SSBP2: variants seen among roughly 807,000 people sequenced by gnomAD.
SSBP2 encodes single-stranded DNA-binding protein 2.
In SSBP2, 17 loss-of-function variants were observed where a neutral mutation model predicts 61.8. That is an observed-to-expected ratio of 0.28 (90% CI 0.19 to 0.41). The LOEUF (loss-of-function observed/expected upper bound fraction) is 0.41. SSBP2 is among the 10% of genes least tolerant of loss of function. The pLI is 1.00. For missense variants in SSBP2, 310 were observed against 458.7 expected (o/e 0.68, Z 2.96); for synonymous variants, 139 against 141.3 (o/e 0.98, Z 0.12).
intron 3 of SSBP2, among the ~76,000 whole-genome samples, chr5:81,625,419 T>C (rs561430559): frequency 6.6e-6 from 1 of 151,460 alleles, no homozygotes; most frequent in South Asian, 2.1e-4. Flanking sequence ...CTACAACTAT[T>C]AAACATGAAA....
At chr5:81,661,376 T>C (rs552354277) in intron 1 of SSBP2, among the ~76,000 whole-genome samples, 40 of 152,308 alleles carry the variant, frequency 2.6e-4, no homozygotes, top group South Asian at 1.0e-3. Flanking sequence ...CAGAGTGGGA[T>C]TGCGAGATCA....
chr5:81,645,964 T>C (rs1271066198), intron 2 of SSBP2, among the ~76,000 whole-genome samples: 1 of 152,192 alleles, frequency 6.6e-6, no homozygotes, highest in Non-Finnish European at 1.5e-5. Context: ...AAAAAATGAC[T>C]GGGTTAATAA....
At chr5:81,598,941 A>G (rs1032143434) in intron 4 of SSBP2, among the ~76,000 whole-genome samples, 2 of 152,152 alleles carry the variant, frequency 1.3e-5, no homozygotes, top group African/African-American at 4.8e-5. Context: ...AAAAAAACTA[A>G]TTCCTCTCCT....
At chr5:81,526,298 T>C (rs1356877100) in intron 4 of SSBP2, among the ~76,000 whole-genome samples, 1 of 152,050 alleles carries the variant, frequency 6.6e-6, no homozygotes, top group Non-Finnish European at 1.5e-5. Flanking sequence ...AAAAACTTCT[T>C]AAATTTTATC....
At chr5:81,624,679 G>A (rs896182316) in intron 3 of SSBP2, among the ~76,000 whole-genome samples, 1 of 152,082 alleles carries the variant, frequency 6.6e-6, no homozygotes, top group Non-Finnish European at 1.5e-5. Context: ...AAAGGCTGTA[G>A]TAAGACCAAA....
chr5:81,497,987 C>A (rs1767418236), intron 5 of SSBP2, among the ~76,000 whole-genome samples: 1 of 151,962 alleles, frequency 6.6e-6, no homozygotes, highest in Admixed American at 6.6e-5. Flanking sequence ...TAGCAGTTTG[C>A]CTCTCAGGTG....
intron 4 of SSBP2, among the ~76,000 whole-genome samples, chr5:81,593,171 G>C (rs1743277554): frequency 6.6e-6 from 1 of 152,108 alleles, no homozygotes; most frequent in Non-Finnish European, 1.5e-5. Flanking sequence ...TGAAAACCAA[G>C]GCACGAGAGC....
intron 1 of SSBP2, among the ~76,000 whole-genome samples, chr5:81,653,998 GTT>G (rs144058292): frequency 6.8e-6 from 1 of 146,338 alleles, no homozygotes; most frequent in Non-Finnish European, 1.5e-5. Context: ...TTTTTGTTTT[GTT>G]TTTTTTTTTG....
intron 1 of SSBP2, among the ~76,000 whole-genome samples, chr5:81,684,993 T>A (rs986858593): frequency 7.9e-5 from 12 of 152,094 alleles, no homozygotes; most frequent in African/African-American, 2.9e-4. Flanking sequence ...AGTGATTGGA[T>A]CATGGGGCTG....
intron 15 of SSBP2, among the ~76,000 whole-genome samples, chr5:81,436,921 C>G (rs1378662550): frequency 6.6e-6 from 1 of 152,078 alleles, no homozygotes; most frequent in Admixed American, 6.5e-5. Context: ...TATAATTTTC[C>G]TCTAATCACT....
chr5:81,630,868 A>G (rs1202339331), intron 3 of SSBP2, among the ~76,000 whole-genome samples: 1 of 152,128 alleles, frequency 6.6e-6, no homozygotes, highest in Non-Finnish European at 1.5e-5. Flanking sequence ...CATGTAAAAG[A>G]GAAAGAGGTG....
rs5869085 is a variant in SSBP2, at chr5:81,737,294, TAAAA to T, written c.62+13683_62+13686del. On this transcript the variant is annotated intron_variant, in intron 1 of 16. Transcript: ENST00000320672. ...CCCCTCCTTGCAAAATTCTCCAAGTTAAAAAAAAAAAAAAAAAAAAGTATGTCCC... is the reference window on the plus strand; with the variant it reads ...CCCCTCCTTGCAAAATTCTCCAAGTTAAAAAAAAAAAAAAAAGTATGTCCC... Among the ~76,000 whole-genome samples the T allele has an allele frequency of 4.0e-3, 561 of 139,032 alleles. 2 individuals carry two copies. The highest frequency in any genetic ancestry group is 0.013 in the African/African-American group (475 of 37,912). 91.2% of individuals were successfully genotyped at this position (139,032 alleles called of 152,430 possible). A position where few individuals can be genotyped will look rare whatever the true frequency, so the allele number is the denominator to read the frequency against.
intron 1 of SSBP2, among the ~76,000 whole-genome samples, chr5:81,682,034 G>A (rs1470784142): frequency 2.6e-5 from 4 of 152,038 alleles, no homozygotes; most frequent in Non-Finnish European, 5.9e-5. Flanking sequence ...ACCTGAATAG[G>A]CCTATACCTG....
intron 10 of SSBP2, among the ~76,000 whole-genome samples, chr5:81,456,776 G>A (rs552950501): frequency 6.6e-6 from 1 of 152,216 alleles, no homozygotes; most frequent in East Asian, 1.9e-4. Context: ...ATGTAAAAGA[G>A]TGCCAAAAAT....
At chr5:81,721,859 A>G (rs545965770) in intron 1 of SSBP2, among the ~76,000 whole-genome samples, 85 of 152,258 alleles carry the variant, frequency 5.6e-4, no homozygotes, top group African/African-American at 1.9e-3. Context: ...TGGAAAATGG[A>G]TAATTTGTTC....
chr5:81,527,996 T>C (rs1770091402), intron 4 of SSBP2, among the ~76,000 whole-genome samples: 1 of 151,968 alleles, frequency 6.6e-6, no homozygotes, highest in South Asian at 2.1e-4. Context: ...CTTAGGTGTG[T>C]AATTACAGCA....
chr5:81,631,046 G>GA (rs201125118), intron 3 of SSBP2, among the ~76,000 whole-genome samples: 1,837 of 151,840 alleles, frequency 0.012, 36 homozygotes, highest in African/African-American at 0.042. Context: ...ATTACATTTG[G>GA]AAAAAAAATT....
At chr5:81,462,474 A>C (rs1369257546) in intron 9 of SSBP2, among the ~76,000 whole-genome samples, 1 of 152,194 alleles carries the variant, frequency 6.6e-6, no homozygotes, top group African/African-American at 2.4e-5. Context: ...ATTTTTTCCC[A>C]ATTCAGCTTG....
At chr5:81,600,015 CTT>C (rs1201854683) in intron 4 of SSBP2, among the ~76,000 whole-genome samples, 3 of 152,172 alleles carry the variant, frequency 2.0e-5, no homozygotes, top group African/African-American at 7.2e-5. Context: ...ATTTCTGTCT[CTT>C]TGACACCTAG....
Sources: gnomAD v4.1 joint callset for allele counts (sites outside exome capture counted in the v4.1 genomes callset) on GRCh38, gnomAD v4.1.1 for gene constraint, MANE v1.5 for transcripts, NCBI Gene and HGNC (gene_info 2026-07-23, HGNC 2026-07-21) for gene names.